ST3GAL3: variants seen among roughly 807,000 people sequenced by gnomAD.
ST3GAL3 encodes the protein ST3 beta-galactoside alpha-2,3-sialyltransferase 3.
In ST3GAL3, 21 loss-of-function variants were observed where a neutral mutation model predicts 50.1. That is an observed-to-expected ratio of 0.42 (90% CI 0.30 to 0.60). ST3GAL3 has a LOEUF of 0.60. Ranked by LOEUF, ST3GAL3 falls within the 20% of genes least tolerant of loss-of-function variation. ST3GAL3 has a pLI of 0.19. For synonymous variants in ST3GAL3, 183 were observed against 190.0 expected, an observed-to-expected ratio of 0.96 and a Z score of 0.30; for missense variants, 353 against 489.4, an observed-to-expected ratio of 0.72 and a Z score of 2.63.
intron 2 of ST3GAL3, among the ~76,000 whole-genome samples, chr1:43,787,760 C>T (rs1046150983): frequency 1.3e-5 from 2 of 152,134 alleles, no homozygotes; most frequent in African/African-American, 2.4e-5. Flanking sequence ...GGCTTGAAGG[C>T]GAAGGCTATC....
chr1:43,930,044 G>A, intron 11 of ST3GAL3, 88 bp from the exon 12 acceptor site: 2 of 1,034,106 alleles, frequency 1.9e-6, no homozygotes, highest in Non-Finnish European at 3.1e-6. Flanking sequence ...GAGTATTGGA[G>A]AGTGGTGACG....
At chr1:43,807,566 G>A (rs1466327338) in intron 3 of ST3GAL3, among the ~76,000 whole-genome samples, 2 of 152,120 alleles carry the variant, frequency 1.3e-5, no homozygotes, top group African/African-American at 4.8e-5. Flanking sequence ...TTGTGATATG[G>A]CCATATTTAT....
At chr1:43,886,313 G>A (rs866274924) in intron 5 of ST3GAL3, among the ~76,000 whole-genome samples, 3 of 152,144 alleles carry the variant, frequency 2.0e-5, no homozygotes, top group South Asian at 2.1e-4. Context: ...CCTGGGAGGC[G>A]TAGGTTGCAG....
At chr1:43,813,899 ACACG>A (rs1443951145) in intron 3 of ST3GAL3, among the ~76,000 whole-genome samples, 2,592 of 38,674 alleles carry the variant, frequency 0.067, 39 homozygotes, top group South Asian at 0.2. Flanking sequence ...ACACACGCAC[ACACG>A]CACACACACA....
At chr1:43,772,343 T>TC in intron 2 of ST3GAL3, 1 of 271,768 alleles carries the variant, frequency 3.7e-6, no homozygotes, top group Non-Finnish European at 6.8e-6. Flanking sequence ...CCACTGCGTC[T>TC]GGCCAGTGAT....
chr1:43,881,756 G>T (rs529816694), intron 5 of ST3GAL3, among the ~76,000 whole-genome samples: 1 of 152,254 alleles, frequency 6.6e-6, no homozygotes, highest in East Asian at 1.9e-4. Context: ...AGGCAGGCGG[G>T]GTGGGGGCAG....
intron 4 of ST3GAL3, 134 bp from the exon 5 acceptor site, chr1:43,838,085 A>C (rs2064700924): frequency 6.2e-6 from 4 of 645,594 alleles, no homozygotes; most frequent in Non-Finnish European, 1.1e-5. Flanking sequence ...ACTGCACTCC[A>C]GCCTGGGCAA....
intron 1 of ST3GAL3, among the ~76,000 whole-genome samples, chr1:43,721,742 C>T (rs925273266): frequency 4.6e-5 from 7 of 152,248 alleles, no homozygotes; most frequent in Admixed American, 6.5e-5. Context: ...GCTGAGATTA[C>T]AGGCATGTGC....
intron 3 of ST3GAL3, among the ~76,000 whole-genome samples, chr1:43,794,289 G>A (rs564929353): frequency 1.3e-5 from 2 of 152,240 alleles, no homozygotes; most frequent in East Asian, 1.9e-4. Context: ...AAGTCCAAAT[G>A]GCCAATAAAC....
intron 5 of ST3GAL3, among the ~76,000 whole-genome samples, chr1:43,876,438 G>A (rs558393607): frequency 3.9e-5 from 6 of 152,192 alleles, no homozygotes; most frequent in Non-Finnish European, 4.4e-5. Context: ...TGAGGGGAGA[G>A]AGCCAGTCAA....
chr1:43,892,340 C>T (rs907369558), intron 5 of ST3GAL3, among the ~76,000 whole-genome samples: 15 of 152,284 alleles, frequency 9.9e-5, no homozygotes, highest in Admixed American at 8.5e-4. Flanking sequence ...TCACTGCAGC[C>T]TCAACCCCCC....
At chr1:43,805,946 G>C (rs1365885544) in intron 3 of ST3GAL3, among the ~76,000 whole-genome samples, 3 of 152,158 alleles carry the variant, frequency 2.0e-5, no homozygotes, top group Non-Finnish European at 4.4e-5. Flanking sequence ...GTGTTGGTCA[G>C]GCTGGTCTTT....
chr1:43,903,668 G>A (rs1174861040), intron 9 of ST3GAL3, among the ~76,000 whole-genome samples: 4 of 152,188 alleles, frequency 2.6e-5, no homozygotes, highest in African/African-American at 4.8e-5. Context: ...TGGGAGGAGA[G>A]GGAGGAGGGC....
chr1:43,748,215 A>G (rs1484902570), intron 2 of ST3GAL3, among the ~76,000 whole-genome samples: 1 of 152,180 alleles, frequency 6.6e-6, no homozygotes, highest in African/African-American at 2.4e-5. Context: ...AATAGAAAAT[A>G]AGATTAAACA....
chr1:43,916,513 G>T (rs914800829), intron 9 of ST3GAL3: 5 of 152,190 alleles, frequency 3.3e-5, no homozygotes, highest in African/African-American at 1.2e-4. Flanking sequence ...GAAGAGGTCT[G>T]GGAAAACTAG....
intron 9 of ST3GAL3, among the ~76,000 whole-genome samples, chr1:43,917,436 CATATATAATATATAATATATA>C (rs1182752163): frequency 1.0e-5 from 1 of 97,260 alleles, no homozygotes; most frequent in Non-Finnish European, 1.9e-5. Context: ...TACTATCTTG[CATATATAATATATAATATATA>C]ATATATATAA....
intron 3 of ST3GAL3, among the ~76,000 whole-genome samples, chr1:43,795,957 T>G (rs1216467216): frequency 6.6e-6 from 1 of 152,104 alleles, no homozygotes; most frequent in African/African-American, 2.4e-5. Context: ...CACAAACAGC[T>G]TCAGGAAAAG....
chr1:43,921,208 A>G (rs1378739130), intron 11 of ST3GAL3, among the ~76,000 whole-genome samples: 1 of 152,054 alleles, frequency 6.6e-6, no homozygotes, highest in African/African-American at 2.4e-5. Context: ...CAGCTCAGCC[A>G]TCCTCTCTAC....
intron 1 of ST3GAL3, among the ~76,000 whole-genome samples, chr1:43,735,577 A>G (rs768351758): frequency 4.6e-4 from 70 of 152,332 alleles, no homozygotes; most frequent in Admixed American, 9.8e-4. Context: ...CTGAGTGAGC[A>G]TGGAAGTGGA....
Sources: allele counts gnomAD v4.1 joint callset (sites outside exome capture counted in the v4.1 genomes callset), GRCh38; gene constraint gnomAD v4.1.1; transcripts MANE v1.5; gene names NCBI Gene and HGNC (gene_info 2026-07-23, HGNC 2026-07-21).